IL1R1: variants seen among roughly 807,000 people sequenced by gnomAD.
IL1R1 encodes the protein interleukin-1 receptor type 1.
IL1R1 carries 22 observed loss-of-function variants against 50.2 expected under a neutral mutation model. That is an observed-to-expected ratio of 0.44 (90% CI 0.31 to 0.63). The LOEUF (loss-of-function observed/expected upper bound fraction) is 0.63, where lower values mean the gene tolerates loss of function less well. Among genes scored for constraint, IL1R1 ranks in the 20% least tolerant of loss-of-function variants. The pLI, the probability that IL1R1 is intolerant of heterozygous loss-of-function variation, is 0.07. For synonymous variants in IL1R1, 251 were observed against 236.7 expected, an observed-to-expected ratio of 1.06 and a Z score of -0.55; for missense variants, 509 against 676.2, an observed-to-expected ratio of 0.75 and a Z score of 2.74.
chr2:102,123,282 G>A (rs909977178), intron 1 of IL1R1, among the ~76,000 whole-genome samples: 8 of 152,148 alleles, frequency 5.3e-5, no homozygotes, highest in Non-Finnish European at 1.0e-4. Context: ...TGTCTTATGG[G>A]ACAAGTGTCA....
At chr2:102,146,525 G>A (rs1257915420) in intron 1 of IL1R1, among the ~76,000 whole-genome samples, 2 of 152,152 alleles carry the variant, frequency 1.3e-5, no homozygotes, top group African/African-American at 4.8e-5. Flanking sequence ...CTGGCATGGG[G>A]TGGGAACAGG....
At chr2:102,100,253 C>T (rs151010796), upstream of IL1R1, among the ~76,000 whole-genome samples, 3,242 of 152,266 alleles carry the variant, frequency 0.021, 72 homozygotes, top group South Asian at 0.12. Context: ...CCCTCCTTTC[C>T]TGCATTCCTC....
chr2:102,097,375 A>G (rs955208256), intron 1 of IL1R1, among the ~76,000 whole-genome samples: 1 of 152,194 alleles, frequency 6.6e-6, no homozygotes, highest in Non-Finnish European at 1.5e-5. Context: ...TCTGTACCAT[A>G]TCATCTAAGT....
intron 9 of IL1R1, 46 bp from the exon 10 acceptor site, chr2:102,174,541 T>G: frequency 6.9e-7 from 1 of 1,444,194 alleles, no homozygotes; most frequent in Non-Finnish European, 9.3e-7. Context: ...TTTTAATTCT[T>G]TTTGGTTCTA....
intron 1 of IL1R1, among the ~76,000 whole-genome samples, chr2:102,111,749 A>G (rs1320494779): frequency 1.3e-5 from 2 of 152,200 alleles, no homozygotes; most frequent in Admixed American, 1.3e-4. Context: ...ACTCTGCCCC[A>G]GGGGCCTGCT....
chr2:102,146,696 T>C (rs969865198), intron 1 of IL1R1, among the ~76,000 whole-genome samples: 2 of 152,252 alleles, frequency 1.3e-5, no homozygotes, highest in African/African-American at 4.8e-5. Context: ...GTATTTCATA[T>C]GAATGTAGAA....
At chr2:102,119,311 T>C (rs775940980) in intron 1 of IL1R1, among the ~76,000 whole-genome samples, 3 of 152,224 alleles carry the variant, frequency 2.0e-5, no homozygotes, top group Non-Finnish European at 4.4e-5. Context: ...TTGTACTTCC[T>C]TATGAAGTTG....
intron 1 of IL1R1, among the ~76,000 whole-genome samples, chr2:102,109,968 A>G (rs965461475): frequency 6.6e-6 from 1 of 152,166 alleles, no homozygotes; most frequent in East Asian, 1.9e-4. Flanking sequence ...ATGGAATTTT[A>G]CTTTTTTTGG....
At chr2:102,138,256 A>G (rs1355282976), upstream of IL1R1, among the ~76,000 whole-genome samples, 2 of 152,212 alleles carry the variant, frequency 1.3e-5, no homozygotes, top group East Asian at 3.8e-4. Context: ...GATGTCGCCA[A>G]GTCTATTGGC....
At chr2:102,123,547 A>C (rs1035639718) in intron 1 of IL1R1, among the ~76,000 whole-genome samples, 4 of 152,184 alleles carry the variant, frequency 2.6e-5, no homozygotes, top group Non-Finnish European at 5.9e-5. Flanking sequence ...AGGCCAAGGC[A>C]GACAGATCAC....
upstream of IL1R1, among the ~76,000 whole-genome samples, chr2:102,100,991 G>A (rs1013241147): frequency 6.6e-6 from 1 of 152,160 alleles, no homozygotes; most frequent in Admixed American, 6.5e-5. Flanking sequence ...GGATGGCATG[G>A]TTAATTCTCT....
At chr2:102,122,827 C>A (rs1472432428) in intron 1 of IL1R1, among the ~76,000 whole-genome samples, 1 of 152,202 alleles carries the variant, frequency 6.6e-6, no homozygotes, top group Non-Finnish European at 1.5e-5. Context: ...ATGTTCAGAG[C>A]TAAACACTTT....
At chr2:102,160,886 C>A (rs1578002841) in intron 3 of IL1R1, among the ~76,000 whole-genome samples, 1 of 152,196 alleles carries the variant, frequency 6.6e-6, no homozygotes, top group African/African-American at 2.4e-5. Flanking sequence ...TCTGTCCGAA[C>A]CACTAAGTAA....
At chr2:102,172,519 T>C in intron 8 of IL1R1, 168 bp from the exon 9 acceptor site, 1 of 1,136,150 alleles carries the variant, frequency 8.8e-7, no homozygotes, top group Non-Finnish European at 1.2e-6. Context: ...GGTTATAAAA[T>C]CTCAGATTAG....
At chr2:102,083,483 C>T (rs1679305272) in intron 1 of IL1R1, among the ~76,000 whole-genome samples, 1 of 152,080 alleles carries the variant, frequency 6.6e-6, no homozygotes, top group Non-Finnish European at 1.5e-5. Context: ...TCTGAGTGGT[C>T]AAGGGTAATC....
At chr2:102,174,088 G>T (rs183557140) in intron 9 of IL1R1, among the ~76,000 whole-genome samples, 222 of 151,904 alleles carry the variant, frequency 1.5e-3, no homozygotes, top group Middle Eastern at 0.01. Flanking sequence ...TTCTTCTCTA[G>T]CCCCCTCCCC....
At chr2:102,092,222 C>T (rs974968322) in intron 1 of IL1R1, among the ~76,000 whole-genome samples, 1 of 152,090 alleles carries the variant, frequency 6.6e-6, no homozygotes, top group Non-Finnish European at 1.5e-5. Flanking sequence ...GTGGGTCAAG[C>T]CAAGTCTTCA....
chr2:102,168,698 G>GTTT, intron 7 of IL1R1, 35 bp downstream of exon 7: 7 of 1,264,696 alleles, frequency 5.5e-6, no homozygotes, highest in African/African-American at 1.5e-5. Flanking sequence ...GCTGGAATCG[G>GTTT]TTTTTTTTTT....
chr2:102,124,356 GA>G (rs1315765282), intron 1 of IL1R1, among the ~76,000 whole-genome samples: 3 of 151,882 alleles, frequency 2.0e-5, no homozygotes, highest in Non-Finnish European at 4.4e-5. Context: ...GGAGGTGGAG[GA>G]TGCAGTGAGC....
Sources: allele counts gnomAD v4.1 joint callset (sites outside exome capture counted in the v4.1 genomes callset), GRCh38; gene constraint gnomAD v4.1.1; transcripts MANE v1.5; gene names NCBI Gene and HGNC (gene_info 2026-07-23, HGNC 2026-07-21).